Variants in GFI1B observed in about 807,000 individuals in gnomAD.
The protein encoded by GFI1B is zinc finger protein Gfi-1b.
Under a neutral mutation model 35.3 loss-of-function variants are expected in GFI1B, and 20 were observed. The observed-to-expected ratio is 0.57, with a 90% confidence interval of 0.40 to 0.82. The LOEUF is 0.82. Among genes scored for constraint, GFI1B ranks in the 40% least tolerant of loss-of-function variants. GFI1B has a pLI of 0.00. For missense variants in GFI1B, 430 were observed against 446.3 expected (o/e 0.96, Z 0.33); for synonymous variants, 178 against 177.6 (o/e 1.00, Z -0.02).
intron 1 of GFI1B, chr9:132,962,622 C>A: frequency 2.0e-6 from 1 of 502,844 alleles, no homozygotes. Context: ...AAATTAGGTA[C>A]AACTCCAAAA....
chr9:132,964,657 G>C (rs1185320516), intron 1 of GFI1B, among the ~76,000 whole-genome samples: 1 of 151,284 alleles, frequency 6.6e-6, no homozygotes, highest in African/African-American at 2.4e-5. Context: ...CATCTGCCCA[G>C]CAACTGCCTG....
At chr9:132,980,275 A>G (rs1454809396) in intron 1 of GFI1B, among the ~76,000 whole-genome samples, 3 of 152,144 alleles carry the variant, frequency 2.0e-5, no homozygotes, top group Non-Finnish European at 4.4e-5. Flanking sequence ...AGGCTCTGGG[A>G]CCAGATGGCT....
chr9:132,987,566 C>T (rs1849120684), intron 3 of GFI1B, 147 bp downstream of exon 3: 2 of 907,952 alleles, frequency 2.2e-6, no homozygotes, highest in South Asian at 2.8e-5. Flanking sequence ...GTGGCTTCTG[C>T]TTGGGCCTCT....
chr9:132,968,883 T>C (rs1848489897), intron 1 of GFI1B, among the ~76,000 whole-genome samples: 1 of 152,182 alleles, frequency 6.6e-6, no homozygotes, highest in South Asian at 2.1e-4. Context: ...TACGTTCATA[T>C]CAGTCCACAA....
At position 132,947,756 on chromosome 9, in the gene GFI1B, C is replaced by T. The variant is rs1848141590; in HGVS notation, c.-701+2087C>T. 2.0e-5 allele frequency among the ~76,000 whole-genome samples: 3 copies of T among 146,816 alleles called. No individual in the cohort carries two copies. The South Asian group carries it at 6.6e-4, about 32-fold the overall frequency. ...CCTGGGAGGCAGAGGTTGTAGTGAG[C>T]TGAGATTGTGCCACTGCATTCCAGC... On this transcript the variant is annotated intron_variant, in intron 1 of 10. Transcript: ENST00000339463.
intron 1 of GFI1B, among the ~76,000 whole-genome samples, chr9:132,969,758 A>T (rs530473288): frequency 1.4e-4 from 22 of 152,198 alleles, no homozygotes; most frequent in Non-Finnish European, 3.1e-4. Flanking sequence ...TTCATCTTGC[A>T]GAAATGTGTT....
At chr9:132,958,068 T>C (rs545193568) in intron 1 of GFI1B, among the ~76,000 whole-genome samples, 1 of 152,220 alleles carries the variant, frequency 6.6e-6, no homozygotes, top group South Asian at 2.1e-4. Context: ...CGAGGGGTCA[T>C]GTGAAGGTGT....
chr9:132,979,048 G>T (rs1156986443), intron 1 of GFI1B, among the ~76,000 whole-genome samples: 2 of 152,130 alleles, frequency 1.3e-5, no homozygotes, highest in Non-Finnish European at 2.9e-5. Flanking sequence ...TTGCGCCTTT[G>T]CCGGCTGCGC....
intron 1 of GFI1B, among the ~76,000 whole-genome samples, chr9:132,985,093 C>T (rs916285007): frequency 5.3e-5 from 8 of 152,214 alleles, no homozygotes; most frequent in African/African-American, 1.4e-4. Context: ...ACTCCTCTGA[C>T]GCCTCAGGCA....
At chr9:132,959,237 G>A (rs538316638) in intron 1 of GFI1B, among the ~76,000 whole-genome samples, 33 of 152,194 alleles carry the variant, frequency 2.2e-4, no homozygotes, top group African/African-American at 5.3e-4. Context: ...TGCTGTTCTC[G>A]GGATAGCGAG....
chr9:132,991,500 C>A lies in GFI1B; in HGVS notation c.*450C>A. The A allele has an allele frequency of 5.4e-6, 1 of 184,682 alleles. No individual in the cohort carries two copies. 11.4% of individuals were successfully genotyped at this position (184,682 alleles called of 1,614,324 possible). On this transcript the variant is annotated 3_prime_UTR_variant, in exon 7 of 7. Transcript: ENST00000372122. ...GGCAGAGTCGGAGCTGCCTCCCACC[C>A]CAGTCAGAAGCCTGGCACCCCCTCT...
chr9:132,952,390 A>G (rs994717782), intron 1 of GFI1B: 1 of 152,024 alleles, frequency 6.6e-6, no homozygotes, highest in Non-Finnish European at 1.5e-5. Context: ...ATCATGGCCC[A>G]CTGCAGTCTC....
rs9987854 is a variant in GFI1B, at chr9:132,961,914, C to T, written c.-700-10811C>T. Among the ~76,000 whole-genome samples the T allele has an allele frequency of 1.8e-3, 281 of 151,980 alleles. 3 individuals carry two copies. The Middle Eastern group carries it at 0.02, about 11-fold the overall frequency. ...CCAAAATTCCCCAAATTTGACAACC[C>T]ACCTTGCTGGCAAGGCTGTGGGAAC... is the stretch of plus-strand genomic sequence containing the variant. On this transcript the variant is annotated intron_variant, in intron 1 of 10. Coordinates refer to the GFI1B transcript ENST00000339463.
At chr9:132,982,823 A>G (rs1156924852) in intron 1 of GFI1B, among the ~76,000 whole-genome samples, 2 of 152,090 alleles carry the variant, frequency 1.3e-5, no homozygotes, top group Admixed American at 6.5e-5. Context: ...TGCCAAGCTC[A>G]GGGGAGAGAA....
At chr9:132,990,480 C>T (rs1350823806) in intron 6 of GFI1B, among the ~76,000 whole-genome samples, 7 of 152,172 alleles carry the variant, frequency 4.6e-5, no homozygotes, top group Admixed American at 2.0e-4. Context: ...TTCACACATT[C>T]GCTCACTCAT....
At chr9:132,990,168 T>A (rs1232339654) in intron 6 of GFI1B, among the ~76,000 whole-genome samples, 1 of 152,278 alleles carries the variant, frequency 6.6e-6, no homozygotes, top group Admixed American at 6.5e-5. Context: ...CTCATTCATT[T>A]GTTCACTCAT....
chr9:132,971,999 G>A (rs894139223), intron 1 of GFI1B, among the ~76,000 whole-genome samples: 2 of 151,920 alleles, frequency 1.3e-5, no homozygotes, highest in African/African-American at 4.8e-5. Flanking sequence ...ATTGGGTTGG[G>A]TGTGGTGGCT....
At chr9:132,969,094 T>C (rs995541936) in intron 1 of GFI1B, among the ~76,000 whole-genome samples, 11 of 152,164 alleles carry the variant, frequency 7.2e-5, no homozygotes, top group Non-Finnish European at 1.6e-4. Flanking sequence ...AGTGGCATGA[T>C]CTCGGCTCAC....
downstream of GFI1B, among the ~76,000 whole-genome samples, chr9:132,991,883 G>A (rs114599461): frequency 6.2e-3 from 948 of 152,190 alleles, 12 homozygotes; most frequent in African/African-American, 0.02. Flanking sequence ...GAAGGGGCCC[G>A]TGCGACAAGA....
Sources: allele counts gnomAD v4.1 joint callset (sites outside exome capture counted in the v4.1 genomes callset), GRCh38; gene constraint gnomAD v4.1.1; transcripts MANE v1.5; gene names NCBI Gene and HGNC (gene_info 2026-07-23, HGNC 2026-07-21).